The following MMP26 variants were observed in gnomAD, a reference collection of about 807,000 sequenced individuals.
MMP26 encodes the protein matrix metallopeptidase 26, also known as matrix metalloproteinase-26.
A neutral mutation model predicts 31.0 loss-of-function variants in MMP26; 33 were observed. The observed-to-expected ratio is 1.06, with a 90% CI of 0.81 to 1.42. The LOEUF is 1.42. Ranked by LOEUF, MMP26 falls within the 40% of genes most tolerant of loss-of-function variation. MMP26 has a pLI of 0.00. For synonymous variants in MMP26, 122 were observed against 114.9 expected (o/e 1.06, Z -0.40); for missense variants, 347 against 316.1 (o/e 1.10, Z -0.74).
intron 2 of MMP26, among the ~76,000 whole-genome samples, chr11:4,780,293 C>A (rs1172092688): frequency 1.3e-5 from 2 of 152,076 alleles, no homozygotes; most frequent in Non-Finnish European, 2.9e-5. Flanking sequence ...TAGCAAACAA[C>A]CCTCCCACAA....
chr11:4,977,691 T>A (rs751683643), intron 2 of MMP26, among the ~76,000 whole-genome samples: 10 of 152,040 alleles, frequency 6.6e-5, no homozygotes, highest in Non-Finnish European at 1.0e-4. Flanking sequence ...CATATAGGCC[T>A]TTTTTGTCCA....
At position 4,916,154 on chromosome 11, in the gene MMP26, T is replaced by TAA. The variant is rs5789343; in HGVS notation, c.-144-71903_-144-71902dup. ...TAACACAGTGAAACCCAGTCTCTAC[T>TAA]AAAAAAAAAAAATGGTGTGGGAGGA... On this transcript the variant is annotated intron_variant, in intron 2 of 7. Coordinates refer to ENST00000380390, the MANE Select transcript of MMP26 (RefSeq NM_021801.5). Among the ~76,000 whole-genome samples, 271 of 146,694 alleles carry TAA rather than the reference T, an allele frequency of 1.8e-3. 1 individual carries two copies. The highest frequency in any genetic ancestry group is 0.016 in the South Asian group (73 of 4,616).
intron 1 of MMP26, among the ~76,000 whole-genome samples, chr11:4,763,192 A>C (rs1848589762): frequency 1.3e-5 from 2 of 152,224 alleles, no homozygotes; most frequent in African/African-American, 4.8e-5. Flanking sequence ...TGAAGTCTGC[A>C]TCAAAGAAGC....
At position 4,786,217 on chromosome 11, in the gene MMP26, G is replaced by A. The variant is rs16938617; in HGVS notation, c.-145+18876G>A. Among the ~76,000 whole-genome samples, 578 of 152,228 alleles carry A rather than the reference G, an allele frequency of 3.8e-3. 2 individuals are homozygous for A. Among genetic ancestry groups the A allele is most frequent in the African/African-American group, 0.013 (535 of 41,532 alleles). On this transcript the variant is annotated intron_variant, in intron 2 of 7. Coordinates refer to ENST00000380390, the MANE Select transcript of MMP26 (RefSeq NM_021801.5). ...GAGGAGAGCTGAGACTCAGGCAAAA[G>A]GAAAGCAGATGGGGAGTTTTCCTCT...
intron 2 of MMP26, among the ~76,000 whole-genome samples, chr11:4,770,982 A>G (rs544364439): frequency 6.6e-6 from 1 of 152,334 alleles, no homozygotes; most frequent in Non-Finnish European, 1.5e-5. Context: ...CAGAAAAAAC[A>G]GTGGAAAATT....
intron 2 of MMP26, chr11:4,768,964 TA>T (rs1564904927): frequency 6.8e-7 from 1 of 1,478,880 alleles, no homozygotes; most frequent in Admixed American, 2.3e-5. Context: ...TTGTATCAAA[TA>T]AAACTATGTC....
chr11:4,932,595 T>G (rs1034982240), intron 2 of MMP26, among the ~76,000 whole-genome samples: 5 of 152,160 alleles, frequency 3.3e-5, no homozygotes, highest in African/African-American at 1.2e-4. Context: ...CCAGTGAAGA[T>G]GCCCAGTTGG....
At chr11:4,891,091 G>T (rs1180149044) in intron 2 of MMP26, among the ~76,000 whole-genome samples, 1 of 151,646 alleles carries the variant, frequency 6.6e-6, no homozygotes, top group Non-Finnish European at 1.5e-5. Context: ...AAAATTAGTG[G>T]TTTCTCCAAT....
At chr11:4,849,602 C>G (rs927178413) in intron 2 of MMP26, among the ~76,000 whole-genome samples, 1 of 152,136 alleles carries the variant, frequency 6.6e-6, no homozygotes, top group Admixed American at 6.6e-5. Flanking sequence ...CCCAGACAGT[C>G]TGACTTCTAG....
chr11:4,743,111 T>C lies in MMP26; in HGVS notation c.-216-24159T>C, dbSNP rs1409232539. ...TTAATAATTTTAATAAAAAATAAACTATAGTGTTACACATGTATGTGAATT... is the reference window on the plus strand; with the variant it reads ...TTAATAATTTTAATAAAAAATAAACCATAGTGTTACACATGTATGTGAATT... On this transcript the variant is annotated intron_variant, in intron 1 of 7. Transcript: ENST00000380390. Among the ~76,000 whole-genome samples the C allele has an allele frequency of 5.3e-5, 8 of 152,132 alleles. No homozygotes were observed. The South Asian group carries it at 1.7e-3, about 31-fold the overall frequency.
chr11:4,725,323 T>C (rs181639789), intron 1 of MMP26, among the ~76,000 whole-genome samples: 11 of 152,338 alleles, frequency 7.2e-5, no homozygotes, highest in African/African-American at 2.6e-4. Context: ...CTGTTTTTTT[T>C]CCTACTAATC....
intron 2 of MMP26, chr11:4,876,376 C>T (rs968187098): frequency 3.3e-5 from 5 of 152,152 alleles, no homozygotes; most frequent in African/African-American, 4.8e-5. Flanking sequence ...GCAGCATTCT[C>T]GCTTCATGAA....
At chr11:4,965,191 A>G (rs1227248663) in intron 2 of MMP26, among the ~76,000 whole-genome samples, 1 of 152,198 alleles carries the variant, frequency 6.6e-6, no homozygotes, top group Admixed American at 6.5e-5. Flanking sequence ...TATGGATCCA[A>G]TGCTGACAAA....
At chr11:4,836,651 CTTTTT>C (rs71480270) in intron 2 of MMP26, among the ~76,000 whole-genome samples, 8 of 95,976 alleles carry the variant, frequency 8.3e-5, no homozygotes, top group Non-Finnish European at 1.2e-4. Context: ...TCAAAGACAT[CTTTTT>C]TTTTTTTTTT....
intron 2 of MMP26, among the ~76,000 whole-genome samples, chr11:4,969,616 T>G (rs1042454575): frequency 6.6e-6 from 1 of 152,110 alleles, no homozygotes; most frequent in Non-Finnish European, 1.5e-5. Context: ...TTTACTGCTG[T>G]GCTTGACATA....
At chr11:4,990,360 A>G (rs1383540128) in intron 4 of MMP26, among the ~76,000 whole-genome samples, 3 of 152,142 alleles carry the variant, frequency 2.0e-5, no homozygotes, top group Non-Finnish European at 2.9e-5. Context: ...TCATTCTTAG[A>G]CTTTAGCTGA....
rs1219353008 is a variant in MMP26, at chr11:4,977,984, C to T, written c.-144-10084C>T. 3.3e-5 allele frequency among the ~76,000 whole-genome samples: 5 copies of T among 151,984 alleles called. 1 individual carries two copies. Among genetic ancestry groups the T allele is most frequent in the South Asian group, 4.2e-4 (2 of 4,816 alleles). ...CAGGGAAAGACCTGGTGGGAGGTGA[C>T]TGGATCATGGGGATGGTTCCCCCAT... is the stretch of plus-strand genomic sequence containing the variant. On this transcript the variant is annotated intron_variant, in intron 2 of 7. Transcript: ENST00000380390.
At chr11:4,974,178 A>G (rs1052064945) in intron 2 of MMP26, among the ~76,000 whole-genome samples, 1 of 152,118 alleles carries the variant, frequency 6.6e-6, no homozygotes, top group Non-Finnish European at 1.5e-5. Flanking sequence ...CAACTGAGAT[A>G]ATTATACAGG....
chr11:4,918,157 A>T (rs192749374), intron 2 of MMP26, among the ~76,000 whole-genome samples: 248 of 152,180 alleles, frequency 1.6e-3, no homozygotes, highest in African/African-American at 5.5e-3. Flanking sequence ...AGAGAATTTT[A>T]TAATATCCCT....
Sources: allele counts gnomAD v4.1 joint callset (sites outside exome capture counted in the v4.1 genomes callset), GRCh38; gene constraint gnomAD v4.1.1; transcripts MANE v1.5; gene names NCBI Gene and HGNC (gene_info 2026-07-23, HGNC 2026-07-21).